CLCNKA: variants seen among roughly 807,000 people sequenced by gnomAD.
CLCNKA encodes chloride channel protein ClC-Ka.
Under a neutral mutation model 83.3 loss-of-function variants are expected in CLCNKA, and 66 were observed. The observed-to-expected ratio is 0.79, with a 90% CI of 0.65 to 0.97. The LOEUF (loss-of-function observed/expected upper bound fraction) is 0.97, where lower values mean the gene tolerates loss of function less well. Ranked by LOEUF, CLCNKA falls within the 50% of genes least tolerant of loss-of-function variation. CLCNKA has a pLI of 0.00. For synonymous variants in CLCNKA, 357 were observed against 370.4 expected (o/e 0.96, Z 0.42); for missense variants, 806 against 888.7 (o/e 0.91, Z 1.18).
At chr1:16,028,588 A>G in intron 10 of CLCNKA, 173 bp from the exon 11 acceptor site, 1 of 798,152 alleles carries the variant, frequency 1.3e-6, no homozygotes, top group Non-Finnish European at 2.1e-6. Context: ...CACGGGTTCT[A>G]CCCGCTGGAG....
intron 8 of CLCNKA, 149 bp downstream of exon 8, chr1:16,027,584 T>C: frequency 4.1e-6 from 6 of 1,469,286 alleles, no homozygotes; most frequent in Non-Finnish European, 5.5e-6. Context: ...TCAGGGAGGA[T>C]GGAAGGGGCT....
chr1:16,030,466 G>T lies in CLCNKA; in HGVS notation c.1414G>T (p.Ala472Ser). ...GTGTGGCTCTGCCCCGGCAGGGGCT[G>T]CAGCCTTCTCAGGGGCTGTGACCCA... is the stretch of plus-strand genomic sequence containing the variant. The part of the protein sequence containing the change: ...MPGGYALAGA[A>S]AFSGAVTHTI... The change falls in exon 15 of 20, where the codon GCA (alanine) becomes TCA (serine). Residue 472 changes from alanine (A) to serine (S), a missense_variant. Physicochemically the swap from Ala to Ser is moderately conservative, Grantham distance 99. Coordinates refer to ENST00000331433, the MANE Select transcript of CLCNKA (RefSeq NM_004070.4). 1 of 1,612,634 alleles carries T rather than the reference G, an allele frequency of 6.2e-7. No individual in the cohort carries two copies. The highest frequency in any genetic ancestry group is 1.3e-5 in the African/African-American group (1 of 75,054).
chr1:16,032,825 G>A (rs968861639), intron 18 of CLCNKA, among the ~76,000 whole-genome samples: 3 of 152,240 alleles, frequency 2.0e-5, no homozygotes, highest in African/African-American at 7.2e-5. Context: ...ACCCCATTTT[G>A]CCTGTGTGAT....
Position 16,031,410 on chromosome 1 carries a change from GT to G in CLCNKA, c.1623-296del, listed in dbSNP as rs368042110. On this transcript the variant is annotated intron_variant, in intron 15 of 19. Transcript: ENST00000331433. ...GTCACTGACCACCTGGCAGATACTGGTTTTCCGTCATCTCACACTCAGCTCT... is the reference window on the plus strand; with the variant it reads ...GTCACTGACCACCTGGCAGATACTGGTTTCCGTCATCTCACACTCAGCTCT... 2.8e-3 allele frequency among the ~76,000 whole-genome samples: 425 copies of G among 152,218 alleles called. 4 individuals are homozygous for G. Among genetic ancestry groups the G allele is most frequent in the African/African-American group, 9.8e-3 (409 of 41,532 alleles).
intron 12 of CLCNKA, among the ~76,000 whole-genome samples, 187 bp from the exon 13 acceptor site, chr1:16,029,544 A>T (rs2022526246): frequency 6.6e-6 from 1 of 152,202 alleles, no homozygotes; most frequent in African/African-American, 2.4e-5. Context: ...TACCTGGCAC[A>T]GTGCCAGGCA....
intron 11 of CLCNKA, 82 bp downstream of exon 11, chr1:16,028,927 A>C: frequency 6.5e-7 from 1 of 1,549,332 alleles, no homozygotes; most frequent in Non-Finnish European, 8.9e-7. Flanking sequence ...TAATACCCTC[A>C]GCACCCCACC....
intron 12 of CLCNKA, 125 bp from the exon 13 acceptor site, chr1:16,029,606 C>A: frequency 1.6e-6 from 2 of 1,259,516 alleles, no homozygotes; most frequent in Non-Finnish European, 2.3e-6. Context: ...CAGACTCTGG[C>A]AGTGGGTGCA....
chr1:16,028,871 A>T, intron 11 of CLCNKA, 26 bp downstream of exon 11: 1 of 1,609,806 alleles, frequency 6.2e-7, no homozygotes, highest in Non-Finnish European at 8.5e-7. Flanking sequence ...CGGGGGTGGC[A>T]GGAGTGGGAA....
chr1:16,032,732 G>C (rs780447732), intron 18 of CLCNKA, among the ~76,000 whole-genome samples: 4 of 152,228 alleles, frequency 2.6e-5, no homozygotes, highest in African/African-American at 4.8e-5. Flanking sequence ...GAGGGAATTG[G>C]GGGGCTTGGC....
rs12131197 is a variant in CLCNKA at position 16,032,025 on chromosome 1, T to C, written c.1757-178T>C. On this transcript the variant is annotated intron_variant, in intron 16 of 19. Transcript: ENST00000331433. ...TCATCAGCAAAATGGAAATCATGGCTACCCTCCCTTGGGGTGGTTGACATG... is the reference window on the plus strand; with the variant it reads ...TCATCAGCAAAATGGAAATCATGGCCACCCTCCCTTGGGGTGGTTGACATG... Among the ~76,000 whole-genome samples the C allele has an allele frequency of 0.27, 41,056 of 151,982 alleles. 6,407 individuals are homozygous for C. Among genetic ancestry groups the C allele is most frequent in the Admixed American group, 0.36 (5,465 of 15,256 alleles).
At position 16,026,557 on chromosome 1, in the gene CLCNKA, G is replaced by C. The variant is rs1455343923; in HGVS notation, c.520G>C (p.Val174Leu). ...GCAGGGCCCTTTCGTGCACCTGTCT[G>C]TAATGATCGCTGCCTACCTGGGCCG... ...GKVGPFVHLS[V>L]MIAAYLGRVR... Residue 174 changes from valine to leucine, a missense_variant, in exon 6 of 20, where the codon GTA (valine) becomes CTA (leucine). Coordinates refer to ENST00000331433, the MANE Select transcript of CLCNKA (RefSeq NM_004070.4). The C allele has an allele frequency of 1.9e-6, 3 of 1,613,942 alleles. No homozygotes were observed. Among genetic ancestry groups the C allele is most frequent in the Non-Finnish European group, 2.5e-6 (3 of 1,180,036 alleles).
At chr1:16,023,684 T>G in intron 2 of CLCNKA, 116 bp from the exon 3 acceptor site, 7 of 1,271,564 alleles carry the variant, frequency 5.5e-6, no homozygotes, top group Non-Finnish European at 6.7e-6. Flanking sequence ...CCCTCAGGAC[T>G]ACCCCAGACT....
At chr1:16,023,727 G>T in intron 2 of CLCNKA, 73 bp from the exon 3 acceptor site, 1 of 1,594,230 alleles carries the variant, frequency 6.3e-7, no homozygotes, top group Non-Finnish European at 8.6e-7. Context: ...CTGGAGCCAA[G>T]CAGACCTCCA....
rs552108119 is a variant in CLCNKA, at chr1:16,029,802, T to A, written c.1297+2T>A. ...ACTTCATGCCCATCTTTATCCTTGG[T>A]GAGTCTGGGGTCCTGAGGTTCTGAG... On this transcript the variant is annotated splice_donor_variant, in intron 13 of 19. Coordinates refer to ENST00000331433, the MANE Select transcript of CLCNKA (RefSeq NM_004070.4). LOFTEE classifies it high-confidence loss of function. The A allele has an allele frequency of 6.2e-7, 1 of 1,614,046 alleles. No individual in the cohort carries two copies. The highest frequency in any genetic ancestry group is 1.3e-5 in the African/African-American group (1 of 75,032).
chr1:16,026,223 C>T lies in CLCNKA; in HGVS notation c.474C>T (p.Gly158=). Residue 158 remains glycine (G), a synonymous_variant, in exon 5 of 20, where the codon GGC becomes GGT. Coordinates refer to ENST00000331433, the MANE Select transcript of CLCNKA (RefSeq NM_004070.4). The stretch of plus-strand genomic sequence containing the variant: ...GCCTCTCCTGCACCCTGGCCACCGG[C>T]AGCACCCTGTTCCTGGGCAAAGTGG... ...VVGLSCTLAT[G]STLFLGKVGP... 1.2e-6 allele frequency: 2 copies of T among 1,613,928 alleles called. No homozygotes were observed. Among genetic ancestry groups the T allele is most frequent in the South Asian group, 1.1e-5 (1 of 91,064 alleles).
Position 16,033,159 on chromosome 1 carries a change from C to A in CLCNKA, c.1930-11C>A, listed in dbSNP as rs775856041. ...CTACCCTCCAGTGTTTCCTAACAAT[C>A]CCCCATCCAGGCACAAAACCTCTTT... On this transcript the variant is annotated splice_polypyrimidine_tract_variant and intron_variant, in intron 18 of 19. Coordinates refer to ENST00000331433, the MANE Select transcript of CLCNKA (RefSeq NM_004070.4). 1.2e-6 allele frequency: 2 copies of A among 1,613,674 alleles called. No individual in the cohort carries two copies. The highest frequency in any genetic ancestry group is 4.5e-5 in the East Asian group (2 of 44,884).
At chr1:16,030,763 A>C in intron 15 of CLCNKA, 89 bp downstream of exon 15, 1 of 1,524,914 alleles carries the variant, frequency 6.6e-7, no homozygotes, top group Admixed American at 1.7e-5. Context: ...AAGAAACACC[A>C]CCGCAGCTGA....
In CLCNKA at chr1:16,022,646, G is replaced by A. The variant is rs142338065; in HGVS notation, c.27G>A (p.Glu9=). MEELVGLR[E]GFSGDPVTLQ... is the part of the protein sequence containing the mutation. ...TGGAGGAGTTGGTGGGGCTGCGTGA[G>A]GGCTTCTCAGGGGACCCTGTGACTC... Residue 9 remains glutamate (E), a synonymous_variant, in exon 2 of 20, where the codon GAG becomes GAA. Coordinates refer to ENST00000331433, the MANE Select transcript of CLCNKA (RefSeq NM_004070.4). 218 of 1,567,958 alleles carry A rather than the reference G, an allele frequency of 1.4e-4. No homozygotes were observed. Among genetic ancestry groups the A allele is most frequent in the Non-Finnish European group, 1.0e-4 (119 of 1,156,048 alleles).
At position 16,026,927 on chromosome 1, in the gene CLCNKA, G is replaced by A. The variant is rs2022383127; in HGVS notation, c.655+152G>A. 20 of 1,011,086 alleles carry A rather than the reference G, an allele frequency of 2.0e-5. No individual in the cohort carries two copies. The South Asian group carries it at 2.7e-4, about 14-fold the overall frequency. 62.6% of individuals were successfully genotyped at this position (1,011,086 alleles called of 1,614,324 possible). A position where few individuals can be genotyped will look rare whatever the true frequency, so the allele number is the denominator to read the frequency against. On this transcript the variant is annotated intron_variant, in intron 7 of 19. Coordinates refer to ENST00000331433, the MANE Select transcript of CLCNKA (RefSeq NM_004070.4). The stretch of plus-strand genomic sequence containing the variant: ...CGCTTTGGGTATAGCCACCCCCCGG[G>A]GGCGGCGGGGCGGGGCGGGTGGTTG...
Sources: allele counts gnomAD v4.1 joint callset (sites outside exome capture counted in the v4.1 genomes callset), GRCh38; gene constraint gnomAD v4.1.1; transcripts MANE v1.5; gene names NCBI Gene and HGNC (gene_info 2026-07-23, HGNC 2026-07-21).